Variants in IFT122 observed in about 807,000 individuals in gnomAD.
The protein encoded by IFT122 is intraflagellar transport protein 122 homolog.
A neutral mutation model predicts 161.6 loss-of-function variants in IFT122; 118 were observed. The ratio of observed to expected loss-of-function variants is 0.73; its 90% CI spans 0.63 to 0.85. The LOEUF is 0.85. IFT122 is among the 40% of genes least tolerant of loss of function. The pLI, the probability that IFT122 is intolerant of heterozygous loss-of-function variation, is 0.00. For missense variants in IFT122, 1,381 were observed against 1,579.6 expected (o/e 0.87, Z 2.13); for synonymous variants, 550 against 602.4 (o/e 0.91, Z 1.27).
Position 129,451,099 on chromosome 3 carries a change from GT to G in IFT122, c.109-811del, listed in dbSNP as rs538009563. Among the ~76,000 whole-genome samples, 294 of 151,840 alleles carry G rather than the reference GT, an allele frequency of 1.9e-3. 1 individual carries two copies. The highest frequency in any genetic ancestry group is 6.2e-3 in the African/African-American group (256 of 41,402). On this transcript the variant is annotated intron_variant, in intron 2 of 29. Transcript: ENST00000348417. ...ATACCTAAATCCATATTACAGCTGG[GT>G]TTTATTTTATTTCTTAGAGACAGGG...
intron 26 of IFT122, among the ~76,000 whole-genome samples, chr3:129,516,388 G>A (rs2083624940): frequency 8.9e-6 from 1 of 111,826 alleles, no homozygotes; most frequent in Non-Finnish European, 1.8e-5. Flanking sequence ...CACAGAGACT[G>A]CTCCTGCACA....
chr3:129,452,785 G>A (rs1194690190), intron 3 of IFT122, among the ~76,000 whole-genome samples: 2 of 152,142 alleles, frequency 1.3e-5, no homozygotes, highest in African/African-American at 4.8e-5. Context: ...TTGCTGAGTT[G>A]GAAACAACCT....
rs368358931 is a variant in IFT122 at position 129,519,781 on chromosome 3, C to G, written c.3636+49C>G. ...ACATGTGCTTCTCTTGGCCACTTTT[C>G]CCTTGCCCAAATGTCCCTCTGGGAG... On this transcript the variant is annotated intron_variant, in intron 29 of 29. Transcript: ENST00000348417. 5.0e-6 allele frequency: 8 copies of G among 1,607,474 alleles called. No homozygotes were observed. In the East Asian group the frequency reaches 1.3e-4, roughly 27 times the overall value.
chr3:129,467,016 AGAG>A lies in IFT122; in HGVS notation c.696_698del (p.Glu234del), dbSNP rs2076877105. ...TGTACAGTAGTCAGGGTAGTGAGGC[AGAG>A]GAGGAAGAACCAGAGGAAGAGGACG... On this transcript the variant is annotated inframe_deletion, in exon 8 of 30. Transcript: ENST00000348417. 1 of 1,614,228 alleles carries A rather than the reference AGAG, an allele frequency of 6.2e-7. No individual in the cohort carries two copies. Among genetic ancestry groups the A allele is most frequent in the Non-Finnish European group, 8.5e-7 (1 of 1,180,040 alleles).
At chr3:129,492,515 T>C (rs2080255749) in intron 17 of IFT122, among the ~76,000 whole-genome samples, 1 of 152,184 alleles carries the variant, frequency 6.6e-6, no homozygotes, top group South Asian at 2.1e-4. Context: ...AGGAACTGGT[T>C]TGCATCCTCC....
intron 16 of IFT122, among the ~76,000 whole-genome samples, chr3:129,489,384 A>G (rs2079750648): frequency 6.6e-6 from 1 of 152,186 alleles, no homozygotes; most frequent in Non-Finnish European, 1.5e-5. Flanking sequence ...TGCAGTCATG[A>G]GGCTTAACTG....
Position 129,449,929 on chromosome 3 carries a change from A to G in IFT122, c.100A>G (p.Arg34Gly). The G allele has an allele frequency of 6.2e-7, 1 of 1,609,130 alleles. No individual in the cohort carries two copies. Among genetic ancestry groups the G allele is most frequent in the Non-Finnish European group, 8.5e-7 (1 of 1,175,494 alleles). The stretch of plus-strand genomic sequence containing the variant: ...TCAACTGATTTTGGCTGCCGGAAGC[A>G]GATTACTGGTAGGATTTTGTCTTAG... ...GTQLILAAGS[R>G]LLVYDTSDGT... Residue 34 changes from arginine to glycine, a missense_variant, in exon 2 of 30, where the codon AGA becomes GGA. Physicochemically the swap from Arg to Gly is moderately radical, Grantham distance 125. Around this residue, in one of 7 missense-constraint regions of IFT122, gnomAD observed 134 missense variants for 137.4 expected, o/e 0.98. Coordinates refer to ENST00000348417, the MANE Select transcript of IFT122 (RefSeq NM_052989.3).
intron 16 of IFT122, among the ~76,000 whole-genome samples, chr3:129,490,680 C>G (rs1488276286): frequency 1.3e-5 from 2 of 152,226 alleles, no homozygotes; most frequent in Non-Finnish European, 2.9e-5. Context: ...AGCGAGGACT[C>G]AGACCTCGAA....
chr3:129,455,632 T>C (rs2075385009), intron 3 of IFT122, among the ~76,000 whole-genome samples: 1 of 152,056 alleles, frequency 6.6e-6, no homozygotes, highest in Non-Finnish European at 1.5e-5. Flanking sequence ...GGGTTAGGGG[T>C]GCCACTGCCT....
intron 27 of IFT122, among the ~76,000 whole-genome samples, chr3:129,518,482 G>A (rs1037463437): frequency 2.6e-5 from 4 of 152,200 alleles, no homozygotes; most frequent in Admixed American, 2.6e-4. Flanking sequence ...ACTGGGAGGA[G>A]GGAAGCTCAG....
rs1479770882 is a variant in IFT122 at position 129,514,091 on chromosome 3, A to G, written c.2988-298A>G. 4 of 451,970 alleles carry G rather than the reference A, an allele frequency of 8.9e-6. No individual in the cohort carries two copies. In the East Asian group the frequency reaches 1.9e-4, roughly 22 times the overall value. The allele number at this position is 451,970 out of a possible 1,614,324, so 28.0% of individuals were successfully genotyped here. On this transcript the variant is annotated intron_variant, in intron 24 of 29. Transcript: ENST00000348417. The stretch of plus-strand genomic sequence containing the variant: ...CTGGCAGGTTTGGTGAGGCAGGAAG[A>G]GCCATTTTGGCCTAGTCAGGGTATA...
At chr3:129,448,125 T>C (rs1434578915) in intron 1 of IFT122, among the ~76,000 whole-genome samples, 2 of 152,214 alleles carry the variant, frequency 1.3e-5, no homozygotes, top group African/African-American at 2.4e-5. Flanking sequence ...TTAATCTTTT[T>C]CTGATCCTCT....
Position 129,495,533 on chromosome 3 carries a change from CTG to C in IFT122, c.2136_2137del (p.Tyr713GlnfsTer11). 2 of 1,614,190 alleles carry C rather than the reference CTG, an allele frequency of 1.2e-6. No individual in the cohort carries two copies. Among genetic ancestry groups the C allele is most frequent in the Non-Finnish European group, 1.7e-6 (2 of 1,180,048 alleles). ...GGGGAAGTTCCATGAGGCCGCCAAA[CTG>C]TACAAGAGGAGTGGGCACGAGAACC... ...YQGKFHEAAK[L>X]YKRSGHENLA... On this transcript the variant is annotated frameshift_variant, in exon 18 of 30. Coordinates refer to ENST00000348417, the MANE Select transcript of IFT122 (RefSeq NM_052989.3). LOFTEE classifies it high-confidence loss of function.
intron 23 of IFT122, among the ~76,000 whole-genome samples, chr3:129,509,603 G>GT (rs1266647182): frequency 6.6e-6 from 1 of 152,220 alleles, no homozygotes; most frequent in Non-Finnish European, 1.5e-5. Flanking sequence ...AAAATAAACA[G>GT]TAAGTAATAA....
At chr3:129,477,348 G>A (rs531612042) in intron 11 of IFT122, among the ~76,000 whole-genome samples, 3 of 152,246 alleles carry the variant, frequency 2.0e-5, no homozygotes, top group East Asian at 3.8e-4. Context: ...TTAAGTTGCT[G>A]TGCTGGTTAA....
Position 129,476,790 on chromosome 3 carries a change from C to T in IFT122, c.1136C>T (p.Thr379Ile). 6.2e-7 allele frequency: 1 copy of T among 1,614,154 alleles called. No homozygotes were observed. The highest frequency in any genetic ancestry group is 8.5e-7 in the Non-Finnish European group (1 of 1,180,040). ...GACGTCATTGTGCAGCACCTGATCA[C>T]TGAGCAGAAAGGTAAGAGGCAGGTC... is the stretch of plus-strand genomic sequence containing the variant. The part of the protein sequence containing the change: ...MTDVIVQHLI[T>I]EQKVRIKCKE... The change falls in exon 11 of 30, where the codon ACT becomes ATT. Residue 379 changes from threonine to isoleucine, a missense_variant. Coordinates refer to ENST00000348417, the MANE Select transcript of IFT122 (RefSeq NM_052989.3).
chr3:129,496,920 T>C (rs1202542071), intron 18 of IFT122, among the ~76,000 whole-genome samples: 2 of 152,146 alleles, frequency 1.3e-5, no homozygotes, highest in African/African-American at 4.8e-5. Context: ...ATCAAGACCC[T>C]AGAGGTAGAA....
At position 129,495,451 on chromosome 3, in the gene IFT122, G is replaced by A; in HGVS notation, c.2052G>A (p.Arg684=). ...TTTGCTTCTAATTTTTCCAGGAGAG[G>A]AAGAAGCGGGGAGAGACCAACAATG... ...YLELISSIEE[R]KKRGETNNDL... The change falls in exon 18 of 30, where the codon AGG becomes AGA. Residue 684 remains arginine, a synonymous_variant. Transcript: ENST00000348417. 1 of 1,614,160 alleles carries A rather than the reference G, an allele frequency of 6.2e-7. No homozygotes were observed. The highest frequency in any genetic ancestry group is 8.5e-7 in the Non-Finnish European group (1 of 1,180,016).
At chr3:129,506,608 ACAT>A in intron 22 of IFT122, 59 bp downstream of exon 22, 1 of 1,605,796 alleles carries the variant, frequency 6.2e-7, no homozygotes, top group African/African-American at 1.3e-5. Flanking sequence ...ACCAAGATAA[ACAT>A]CAGAAGAGCT....
Sources: allele counts gnomAD v4.1 joint callset (sites outside exome capture counted in the v4.1 genomes callset), GRCh38; gene constraint gnomAD v4.1.1; regional missense constraint gnomAD v4.1.1; transcripts MANE v1.5; gene names NCBI Gene and HGNC (gene_info 2026-07-23, HGNC 2026-07-21).